Variants in PPM1L observed in about 807,000 individuals in gnomAD.
The protein encoded by PPM1L is protein phosphatase, Mg2+/Mn2+ dependent 1L.
In PPM1L, 13 loss-of-function variants were observed where a neutral mutation model predicts 31.4. The observed-to-expected ratio is 0.41, with a 90% CI of 0.27 to 0.66. The LOEUF (loss-of-function observed/expected upper bound fraction) is 0.66. Ranked by LOEUF, PPM1L falls within the 30% of genes least tolerant of loss-of-function variation. The pLI is 0.29. For synonymous variants in PPM1L, 184 were observed against 175.4 expected (o/e 1.05, Z -0.39); for missense variants, 326 against 453.7 (o/e 0.72, Z 2.56).
chr3:160,853,473 A>G (rs1269037989), intron 1 of PPM1L, among the ~76,000 whole-genome samples: 2 of 152,174 alleles, frequency 1.3e-5, no homozygotes, highest in African/African-American at 4.8e-5. Flanking sequence ...TTAATTATTC[A>G]TGCTATGATG....
chr3:160,839,611 T>G (rs1713810713), intron 1 of PPM1L, among the ~76,000 whole-genome samples: 1 of 152,210 alleles, frequency 6.6e-6, no homozygotes, highest in African/African-American at 2.4e-5. Context: ...ACTGGATTGG[T>G]CAGAGGGAGG....
At chr3:160,854,737 T>C (rs1711627543) in intron 1 of PPM1L, among the ~76,000 whole-genome samples, 1 of 152,074 alleles carries the variant, frequency 6.6e-6, no homozygotes, top group Admixed American at 6.6e-5. Flanking sequence ...AAACATTCCA[T>C]GCTCATGGAT....
intron 1 of PPM1L, among the ~76,000 whole-genome samples, chr3:160,930,739 C>G (rs1337658400): frequency 6.6e-6 from 1 of 152,124 alleles, no homozygotes; most frequent in African/African-American, 2.4e-5. Flanking sequence ...TGCTGTGGGT[C>G]TGCATGTCAC....
At chr3:160,995,053 G>C (rs750840436) in intron 2 of PPM1L, among the ~76,000 whole-genome samples, 1 of 152,156 alleles carries the variant, frequency 6.6e-6, no homozygotes, top group Non-Finnish European at 1.5e-5. Flanking sequence ...TTTAAACAGC[G>C]TTATTAAAAG....
chr3:160,881,212 A>G (rs927638224), intron 1 of PPM1L, among the ~76,000 whole-genome samples: 1 of 152,232 alleles, frequency 6.6e-6, no homozygotes, highest in African/African-American at 2.4e-5. Context: ...GGCTTGGGAA[A>G]TAATCTCAAT....
intron 1 of PPM1L, among the ~76,000 whole-genome samples, chr3:160,897,124 C>T (rs549550805): frequency 6.7e-6 from 1 of 150,366 alleles, no homozygotes; most frequent in African/African-American, 2.4e-5. Flanking sequence ...CTCACTGCAA[C>T]CTCCACCTCC....
chr3:160,885,895 C>T (rs1045555080), intron 1 of PPM1L, among the ~76,000 whole-genome samples: 6 of 152,196 alleles, frequency 3.9e-5, no homozygotes, highest in African/African-American at 1.4e-4. Flanking sequence ...CATGTGAGCT[C>T]CTTGGGGGAG....
chr3:161,037,524 C>T (rs933567377), intron 2 of PPM1L, among the ~76,000 whole-genome samples: 4 of 150,388 alleles, frequency 2.7e-5, no homozygotes, highest in African/African-American at 7.4e-5. Flanking sequence ...AAGTGATTCT[C>T]CTGCCTCAGC....
chr3:160,759,663 C>A (rs1327234001), intron 1 of PPM1L, among the ~76,000 whole-genome samples: 1 of 152,044 alleles, frequency 6.6e-6, no homozygotes, highest in Non-Finnish European at 1.5e-5. Context: ...AAATTATAGT[C>A]ATGGTGCGCT....
At chr3:160,872,170 C>T (rs1443804630) in intron 1 of PPM1L, among the ~76,000 whole-genome samples, 1 of 152,106 alleles carries the variant, frequency 6.6e-6, no homozygotes, top group South Asian at 2.1e-4. Context: ...TGGCCATTTT[C>T]TGTCAGTTTT....
intron 1 of PPM1L, among the ~76,000 whole-genome samples, chr3:160,781,214 A>C (rs1309073259): frequency 6.6e-6 from 1 of 152,208 alleles, no homozygotes; most frequent in African/African-American, 2.4e-5. Context: ...TTTTTCTTTT[A>C]GTGATAGAGC....
At chr3:160,780,220 G>A (rs1231950594) in intron 1 of PPM1L, among the ~76,000 whole-genome samples, 1 of 152,112 alleles carries the variant, frequency 6.6e-6, no homozygotes, top group Non-Finnish European at 1.5e-5. Context: ...TTGGGACAAA[G>A]GATATAAAGA....
At chr3:160,781,263 G>A (rs112887738) in intron 1 of PPM1L, among the ~76,000 whole-genome samples, 2 of 152,154 alleles carry the variant, frequency 1.3e-5, no homozygotes, top group African/African-American at 4.8e-5. Flanking sequence ...AGCTATGGCT[G>A]ACAGATATAG....
At chr3:160,902,613 A>G (rs1713582767) in intron 1 of PPM1L, among the ~76,000 whole-genome samples, 1 of 152,082 alleles carries the variant, frequency 6.6e-6, no homozygotes, top group Non-Finnish European at 1.5e-5. Context: ...TTACTTTTTC[A>G]TTTTTGTTGT....
intron 2 of PPM1L, among the ~76,000 whole-genome samples, chr3:160,965,619 A>G (rs1716116417): frequency 6.6e-6 from 1 of 152,078 alleles, no homozygotes; most frequent in African/African-American, 2.4e-5. Context: ...ACCTTAGGAT[A>G]TTTTCAATTT....
chr3:161,037,412 C>CTTTT (rs59883046), intron 2 of PPM1L, among the ~76,000 whole-genome samples: 27 of 99,452 alleles, frequency 2.7e-4, no homozygotes, highest in African/African-American at 3.7e-4. Flanking sequence ...CCTACTTGAG[C>CTTTT]TTTTTTTTTT....
At chr3:161,009,464 C>G (rs1205407489) in intron 2 of PPM1L, among the ~76,000 whole-genome samples, 1 of 152,162 alleles carries the variant, frequency 6.6e-6, no homozygotes, top group East Asian at 1.9e-4. Context: ...AATCAACTGT[C>G]TATAATGTTT....
chr3:161,048,890 T>G (rs1719171862), intron 2 of PPM1L, among the ~76,000 whole-genome samples: 1 of 121,016 alleles, frequency 8.3e-6, no homozygotes, highest in Admixed American at 1.1e-4. Flanking sequence ...TGAGAACACT[T>G]GGACACAGGA....
chr3:161,030,017 T>C (rs1718514248), intron 2 of PPM1L, among the ~76,000 whole-genome samples: 1 of 152,210 alleles, frequency 6.6e-6, no homozygotes, highest in Non-Finnish European at 1.5e-5. Context: ...TTTTACCTCA[T>C]GCCTGCAGAT....
Sources: gnomAD v4.1 joint callset for allele counts (sites outside exome capture counted in the v4.1 genomes callset) on GRCh38, gnomAD v4.1.1 for gene constraint, MANE v1.5 for transcripts, NCBI Gene and HGNC (gene_info 2026-07-23, HGNC 2026-07-21) for gene names.